The following COG2 variants were observed in gnomAD, a reference collection of about 807,000 sequenced individuals.
COG2 encodes conserved oligomeric Golgi complex subunit 2.
COG2 carries 52 observed loss-of-function variants against 90.6 expected under a neutral mutation model. That is an observed-to-expected ratio of 0.57 (90% confidence interval 0.46 to 0.72). COG2 has a LOEUF of 0.72. COG2 is among the 30% of genes least tolerant of loss of function. The probability of loss-of-function intolerance (pLI) is 0.00; values close to 1 mark genes in which losing one functional copy is unlikely to be tolerated. For missense variants in COG2, 829 were observed against 891.2 expected (o/e 0.93, Z 0.89); for synonymous variants, 337 against 320.4 (o/e 1.05, Z -0.55).
In COG2 at chr1:230,679,050, A is replaced by G; in HGVS notation, c.1164A>G (p.Ile388Met). The G allele has an allele frequency of 6.2e-7, 1 of 1,611,454 alleles. No homozygotes were observed. The highest frequency in any genetic ancestry group is 8.5e-7 in the Non-Finnish European group (1 of 1,177,888). The change falls in exon 10 of 18, where the codon ATA becomes ATG. Residue 388 changes from isoleucine (I) to methionine (M), a missense_variant and splice_region_variant. Physicochemically the swap from Ile to Met is conservative, Grantham distance 10. Transcript: ENST00000366669. Reference sequence around the variant, plus strand: ...GGAACTTGCCTGTTTATTTTCAAATAAGGTTGGTCATCTATTCACCGCCCC... The same window carrying G: ...GGAACTTGCCTGTTTATTTTCAAATGAGGTTGGTCATCTATTCACCGCCCC... Reference protein sequence around the residue: ...KKWNLPVYFQIRFREIAGSLE... With the variant: ...KKWNLPVYFQMRFREIAGSLE...
chr1:230,691,271 G>T, intron 16 of COG2, 113 bp from the exon 17 acceptor site: 1 of 878,622 alleles, frequency 1.1e-6, no homozygotes, highest in Non-Finnish European at 1.7e-6. Flanking sequence ...AATTTTCGTT[G>T]GAAGTGAATT....
chr1:230,642,861 G>A, intron 1 of COG2, 183 bp downstream of exon 1: 1 of 587,190 alleles, frequency 1.7e-6, no homozygotes, highest in Non-Finnish European at 3.0e-6. Flanking sequence ...GCAGCCTGGA[G>A]AAAGCACTTC....
Position 230,686,601 on chromosome 1 carries a change from A to G in COG2, c.1381-334A>G, listed in dbSNP as rs145228572. 6.0e-3 allele frequency among the ~76,000 whole-genome samples: 918 copies of G among 152,270 alleles called. 10 individuals carry two copies. The highest frequency in any genetic ancestry group is 0.021 in the African/African-American group (878 of 41,528). On this transcript the variant is annotated intron_variant, in intron 12 of 17. Transcript: ENST00000366669. The stretch of plus-strand genomic sequence containing the variant: ...ATGTATTACGCTATGTTATTTGCCT[A>G]ATATAATTGATTTTTTTAAAACCTG...
intron 1 of COG2, among the ~76,000 whole-genome samples, chr1:230,643,568 T>C (rs1661681893): frequency 7.1e-6 from 1 of 140,954 alleles, no homozygotes; most frequent in African/African-American, 2.7e-5. Context: ...AATCTTACTC[T>C]GCCTTTCTTG....
In COG2 at chr1:230,693,281, G is replaced by A. The variant is rs1663084514; in HGVS notation, c.2116-11G>A. The A allele has an allele frequency of 6.5e-7, 1 of 1,543,500 alleles. No individual in the cohort carries two copies. Among genetic ancestry groups the A allele is most frequent in the Non-Finnish European group, 9.0e-7 (1 of 1,116,376 alleles). On this transcript the variant is annotated splice_polypyrimidine_tract_variant and intron_variant, in intron 17 of 17. Coordinates refer to ENST00000366669, the MANE Select transcript of COG2 (RefSeq NM_007357.3). ...TTGCAGTAACATAATTCATTCTCAT[G>A]GCCTTTGCAGATACAAAAGTTGGGA...
chr1:230,675,020 G>A lies in COG2; in HGVS notation c.922G>A (p.Gly308Arg). ...ISSEKGNTVP[G>R]YDFLVNSVWP... ...CAGTGAAAAAGGCAATACTGTTCCT[G>A]GATATGACTTTTTGGTGAATTCTGT... Residue 308 changes from glycine (G) to arginine (R), a missense_variant, in exon 9 of 18, where the codon GGA (glycine) becomes AGA (arginine). Coordinates refer to ENST00000366669, the MANE Select transcript of COG2 (RefSeq NM_007357.3). 6.2e-7 allele frequency: 1 copy of A among 1,611,310 alleles called. No individual in the cohort carries two copies. The highest frequency in any genetic ancestry group is 8.5e-7 in the Non-Finnish European group (1 of 1,178,592).
intron 5 of COG2, among the ~76,000 whole-genome samples, chr1:230,665,621 T>C (rs569532983): frequency 6.6e-6 from 1 of 152,368 alleles, no homozygotes; most frequent in South Asian, 2.1e-4. Context: ...ATTATTCTCA[T>C]GTCCTAGGTC....
At position 230,642,549 on chromosome 1, in the gene COG2, C is replaced by A; in HGVS notation, c.-58C>A. On this transcript the variant is annotated 5_prime_UTR_variant, in exon 1 of 18. An upstream open reading frame in the 5' UTR gains an earlier in-frame stop. Coordinates refer to ENST00000366669, the MANE Select transcript of COG2 (RefSeq NM_007357.3). Reference sequence around the variant, plus strand: ...TGGCCGCGGCCGCCGAGTCGGTCTGCGCAGCCTCCTGCGTTTTCTCGCTTG... The same window carrying A: ...TGGCCGCGGCCGCCGAGTCGGTCTGAGCAGCCTCCTGCGTTTTCTCGCTTG... 1 of 1,551,800 alleles carries A rather than the reference C, an allele frequency of 6.4e-7. No homozygotes were observed. Among genetic ancestry groups the A allele is most frequent in the Non-Finnish European group, 8.8e-7 (1 of 1,138,742 alleles).
intron 9 of COG2, among the ~76,000 whole-genome samples, chr1:230,677,385 G>A (rs1171109537): frequency 6.6e-6 from 1 of 152,182 alleles, no homozygotes; most frequent in East Asian, 1.9e-4. Flanking sequence ...CTGGGGCCCA[G>A]CAGGTTTCCC....
Position 230,687,036 on chromosome 1 carries a change from C to T in COG2, c.1482C>T (p.Asp494=). ...EPSITQGNTE[D]QGSGPSETKP... ...CCATCACCCAAGGAAACACTGAAGA[C>T]CAAGGAAGTGGTCCTTCGGAAACAA... The change falls in exon 13 of 18, where the codon GAC becomes GAT. Residue 494 remains aspartate, a synonymous_variant. Transcript: ENST00000366669. The T allele has an allele frequency of 6.2e-7, 1 of 1,612,422 alleles. No homozygotes were observed.
chr1:230,682,533 C>T (rs1662776374), intron 10 of COG2: 1 of 152,214 alleles, frequency 6.6e-6, no homozygotes, highest in East Asian at 1.9e-4. Context: ...TACTGGAAAC[C>T]AGCCAGCTAC....
rs371476115 is a variant in COG2 at position 230,678,458 on chromosome 1, A to T, written c.1027-455A>T. ...TTGGTACATCTCCCTGTCAGTTTTC[A>T]TGCTATCTTATTTATAAAAATGAAG... On this transcript the variant is annotated intron_variant, in intron 9 of 17. Transcript: ENST00000366669. The T allele has an allele frequency of 1.3e-5, 13 of 985,314 alleles. No individual in the cohort carries two copies. The African/African-American group carries it at 2.3e-4, about 17-fold the overall frequency. 61.0% of individuals were successfully genotyped at this position (985,314 alleles called of 1,614,324 possible). A position where few individuals can be genotyped will look rare whatever the true frequency, so the allele number is the denominator to read the frequency against.
At chr1:230,674,161 C>A (rs1662529188) in intron 8 of COG2, among the ~76,000 whole-genome samples, 2 of 152,196 alleles carry the variant, frequency 1.3e-5, no homozygotes. Flanking sequence ...TTAACCGTTA[C>A]TAACATAGGG....
intron 1 of COG2, among the ~76,000 whole-genome samples, chr1:230,653,026 T>C (rs1043901964): frequency 8.5e-5 from 13 of 152,148 alleles, no homozygotes; most frequent in Admixed American, 6.5e-4. Flanking sequence ...TAAGATCTAC[T>C]CTCTTAGCAC....
At chr1:230,654,611 G>T (rs1662005221) in intron 1 of COG2, among the ~76,000 whole-genome samples, 1 of 149,394 alleles carries the variant, frequency 6.7e-6, no homozygotes, top group South Asian at 2.1e-4. Context: ...TCTTTGAGAA[G>T]ACTTTTTCCA....
intron 17 of COG2, among the ~76,000 whole-genome samples, chr1:230,692,005 G>C (rs763248392): frequency 1.3e-5 from 2 of 152,014 alleles, no homozygotes; most frequent in Admixed American, 6.6e-5. Context: ...GGCCTTTGTA[G>C]CTTTCCTATA....
rs374547201 is a variant in COG2 at position 230,675,142 on chromosome 1, G to A, written c.1026+18G>A. ...TTCATGAGGTATCTCCCCGCCCGTC[G>A]TCTTGATTCTTGAAGATGTTAACCG... is the stretch of plus-strand genomic sequence containing the variant. On this transcript the variant is annotated intron_variant, in intron 9 of 17. Coordinates refer to ENST00000366669, the MANE Select transcript of COG2 (RefSeq NM_007357.3). The A allele has an allele frequency of 7.6e-5, 122 of 1,601,786 alleles. No homozygotes were observed. The highest frequency in any genetic ancestry group is 3.9e-4 in the South Asian group (34 of 88,264).
chr1:230,643,914 A>G (rs147822023), intron 1 of COG2, among the ~76,000 whole-genome samples: 4 of 152,180 alleles, frequency 2.6e-5, no homozygotes, highest in African/African-American at 2.4e-5. Flanking sequence ...CTAAGGGTAC[A>G]TGCTGGGGAG....
At chr1:230,690,202 C>G (rs768478150) in intron 16 of COG2, 49 bp downstream of exon 16, 2 of 1,545,808 alleles carry the variant, frequency 1.3e-6, no homozygotes, top group African/African-American at 2.7e-5. Flanking sequence ...GAAGAGTCTG[C>G]GGCAGAAACC....
Sources: allele counts gnomAD v4.1 joint callset (sites outside exome capture counted in the v4.1 genomes callset), GRCh38; gene constraint gnomAD v4.1.1; transcripts MANE v1.5; gene names NCBI Gene and HGNC (gene_info 2026-07-23, HGNC 2026-07-21).